The following NOL4 variants were observed in gnomAD, a reference collection of about 807,000 sequenced individuals.
The protein encoded by NOL4 is cancer/testis antigen 125.
Under a neutral mutation model 75.9 loss-of-function variants are expected in NOL4, and 17 were observed. The ratio of observed to expected loss-of-function variants is 0.22; its 90% CI spans 0.15 to 0.34. The LOEUF is 0.34. Among genes scored for constraint, NOL4 ranks in the 10% least tolerant of loss-of-function variants. NOL4 has a pLI of 1.00. For synonymous variants in NOL4, 292 were observed against 289.9 expected (o/e 1.01, Z -0.07); for missense variants, 614 against 793.5 (o/e 0.77, Z 2.72).
At chr18:33,883,096 C>A (rs1421797437) in intron 10 of NOL4, 148 bp downstream of exon 10, 1 of 508,768 alleles carries the variant, frequency 2.0e-6, no homozygotes, top group Non-Finnish European at 3.4e-6. Context: ...TGGGAGATAT[C>A]CCTAATGCTA....
intron 6 of NOL4, among the ~76,000 whole-genome samples, chr18:34,012,303 T>A (rs1343373875): frequency 6.6e-6 from 1 of 151,926 alleles, no homozygotes; most frequent in Non-Finnish European, 1.5e-5. Flanking sequence ...TGTGGGTATT[T>A]ATTCATAAAA....
At chr18:33,973,643 A>G (rs1246183842) in intron 6 of NOL4, among the ~76,000 whole-genome samples, 1 of 152,174 alleles carries the variant, frequency 6.6e-6, no homozygotes, top group African/African-American at 2.4e-5. Flanking sequence ...TGCAAAATGG[A>G]TGTTGGTTAG....
intron 4 of NOL4, among the ~76,000 whole-genome samples, chr18:34,094,404 C>A (rs115785623): frequency 0.01 from 1,571 of 152,254 alleles, 29 homozygotes; most frequent in African/African-American, 0.036. Context: ...TGCACGGCAA[C>A]CACAAAGAGG....
chr18:34,220,025 T>G (rs934015726), intron 1 of NOL4, among the ~76,000 whole-genome samples: 3 of 152,328 alleles, frequency 2.0e-5, no homozygotes, highest in African/African-American at 7.2e-5. Flanking sequence ...TTATTTTAAG[T>G]CAGTTGTAAC....
intron 1 of NOL4, among the ~76,000 whole-genome samples, chr18:34,146,025 C>T (rs527762604): frequency 1.8e-4 from 27 of 151,952 alleles, no homozygotes; most frequent in African/African-American, 5.6e-4. Flanking sequence ...AATCCCCATG[C>T]GAAAAGAAGA....
chr18:34,137,957 C>A (rs1249551028), intron 1 of NOL4, among the ~76,000 whole-genome samples: 1 of 151,976 alleles, frequency 6.6e-6, no homozygotes, highest in Non-Finnish European at 1.5e-5. Context: ...TGTGGCATAA[C>A]CATACAAAGG....
chr18:33,860,407 C>T (rs551252865), intron 10 of NOL4, among the ~76,000 whole-genome samples: 1 of 152,252 alleles, frequency 6.6e-6, no homozygotes, highest in South Asian at 2.1e-4. Context: ...TAAGTCTCAT[C>T]TGAGACAAGG....
chr18:33,942,158 G>A (rs2068533244), intron 9 of NOL4, among the ~76,000 whole-genome samples: 2 of 151,838 alleles, frequency 1.3e-5, no homozygotes, highest in Admixed American at 6.6e-5. Context: ...AAGTCCATTG[G>A]CTCACTGTAG....
chr18:34,152,193 T>C (rs79667326), intron 1 of NOL4, among the ~76,000 whole-genome samples: 25 of 151,974 alleles, frequency 1.6e-4, no homozygotes, highest in Non-Finnish European at 2.7e-4. Context: ...ATAAAACAAC[T>C]AGAAAGAATG....
chr18:34,013,338 TTC>T (rs2074487337), intron 6 of NOL4, among the ~76,000 whole-genome samples: 1 of 151,886 alleles, frequency 6.6e-6, no homozygotes, highest in Admixed American at 6.6e-5. Flanking sequence ...GCAAGTCTTA[TTC>T]TCTGTTAGCA....
intron 1 of NOL4, among the ~76,000 whole-genome samples, chr18:34,130,847 A>T (rs933845518): frequency 1.3e-5 from 2 of 152,170 alleles, no homozygotes; most frequent in Non-Finnish European, 2.9e-5. Context: ...CTTCTGTTGA[A>T]GTAGATTCCA....
chr18:33,866,365 T>G (rs2063429849), intron 10 of NOL4, among the ~76,000 whole-genome samples: 1 of 152,150 alleles, frequency 6.6e-6, no homozygotes, highest in African/African-American at 2.4e-5. Context: ...TGTGTTTTAT[T>G]TCATTTTTCT....
intron 5 of NOL4, among the ~76,000 whole-genome samples, chr18:34,030,621 A>T (rs2075590556): frequency 6.6e-6 from 1 of 152,222 alleles, no homozygotes; most frequent in Non-Finnish European, 1.5e-5. Flanking sequence ...ACAGCTAGAT[A>T]GGAGAAATAA....
At chr18:34,206,930 G>A (rs1454559360) in intron 1 of NOL4, among the ~76,000 whole-genome samples, 5 of 151,642 alleles carry the variant, frequency 3.3e-5, no homozygotes, top group African/African-American at 7.3e-5. Flanking sequence ...TTTCAGCAAC[G>A]ATAATTTCTA....
intron 1 of NOL4, among the ~76,000 whole-genome samples, chr18:34,148,720 T>C (rs1016199591): frequency 6.6e-6 from 1 of 152,042 alleles, no homozygotes; most frequent in African/African-American, 2.4e-5. Context: ...TGTAGATGTC[T>C]ATTAGGTCTG....
rs763260174 is a variant in NOL4 at position 33,883,355 on chromosome 18, C to T, written c.1612G>A (p.Val538Ile). 14 of 1,613,238 alleles carry T rather than the reference C, an allele frequency of 8.7e-6. No homozygotes were observed. In the Admixed American group the frequency reaches 2.2e-4, roughly 25 times the overall value. ...ATQATYSTSA[V>I]PGSQDVLYIN... Reference sequence around the variant, plus strand: ...TACAGCACGTCCTGTGAGCCTGGAACAGCTGATGTTGAGTAAGTGGCCTGG... The same window carrying T: ...TACAGCACGTCCTGTGAGCCTGGAATAGCTGATGTTGAGTAAGTGGCCTGG... Residue 538 changes from valine (V) to isoleucine (I), a missense_variant, in exon 10 of 11, where the codon GTT becomes ATT. Around this residue, in one of 9 missense-constraint regions of NOL4, gnomAD observed 128 missense variants for 159.9 expected, o/e 0.80. Transcript: ENST00000261592.
intron 9 of NOL4, among the ~76,000 whole-genome samples, chr18:33,900,075 T>C (rs2123334): frequency 0.16 from 23,723 of 152,094 alleles, 2,096 homozygotes; most frequent in Non-Finnish European, 0.21. Flanking sequence ...AAGAAATGCC[T>C]AAGTCTGGGT....
chr18:34,114,270 A>G (rs2145776734), intron 2 of NOL4, among the ~76,000 whole-genome samples: 1 of 152,300 alleles, frequency 6.6e-6, no homozygotes, highest in South Asian at 2.1e-4. Flanking sequence ...ATTCTTAAAA[A>G]TATTTTTATA....
At chr18:34,144,231 T>G (rs2081308528) in intron 1 of NOL4, among the ~76,000 whole-genome samples, 1 of 152,174 alleles carries the variant, frequency 6.6e-6, no homozygotes, top group African/African-American at 2.4e-5. Context: ...GTAATTGCTG[T>G]GTTTCATAAA....
Sources: allele counts gnomAD v4.1 joint callset (sites outside exome capture counted in the v4.1 genomes callset), GRCh38; gene constraint gnomAD v4.1.1; regional missense constraint gnomAD v4.1.1; transcripts MANE v1.5; gene names NCBI Gene and HGNC (gene_info 2026-07-23, HGNC 2026-07-21).